TRIP12: variants seen among roughly 807,000 people sequenced by gnomAD.
TRIP12 encodes thyroid hormone receptor interactor 12, also known as E3 ubiquitin-protein ligase TRIP12.
Under a neutral mutation model 244.2 loss-of-function variants are expected in TRIP12, and 25 were observed. That is an observed-to-expected ratio of 0.10 (90% CI 0.07 to 0.14). TRIP12 has a LOEUF of 0.14. Ranked by LOEUF, TRIP12 falls within the 10% of genes least tolerant of loss-of-function variation. The probability of loss-of-function intolerance (pLI) is 1.00; values close to 1 mark genes in which losing one functional copy is unlikely to be tolerated. For synonymous variants in TRIP12, 905 were observed against 873.1 expected (o/e 1.04, Z -0.64); for missense variants, 1,677 against 2,486.4 (o/e 0.67, Z 6.92).
intron 1 of TRIP12, among the ~76,000 whole-genome samples, chr2:229,890,239 C>A (rs533886276): frequency 3.9e-5 from 6 of 152,200 alleles, no homozygotes; most frequent in Non-Finnish European, 5.9e-5. Context: ...ACCACCACAC[C>A]CAGCTAATTT....
intron 1 of TRIP12, among the ~76,000 whole-genome samples, chr2:229,915,214 C>A (rs540954175): frequency 6.6e-6 from 1 of 152,196 alleles, no homozygotes; most frequent in African/African-American, 2.4e-5. Flanking sequence ...GATTGCGCCA[C>A]TGCACTCCAA....
intron 16 of TRIP12, 129 bp from the exon 17 acceptor site, chr2:229,807,993 T>A: frequency 2.0e-6 from 2 of 1,006,056 alleles, no homozygotes; most frequent in Non-Finnish European, 2.8e-6. Flanking sequence ...GGAGACAGAG[T>A]CTCACTCTGT....
intron 1 of TRIP12, among the ~76,000 whole-genome samples, chr2:229,896,362 G>A (rs542715273): frequency 6.6e-6 from 1 of 152,236 alleles, no homozygotes; most frequent in Admixed American, 6.5e-5. Context: ...ACTCAGCCAG[G>A]CGTGGTGGCT....
At position 229,860,495 on chromosome 2, in the gene TRIP12, G is replaced by C. The variant is rs1476473317; in HGVS notation, c.135C>G (p.Ser45Arg). ...HLGQAKHKGY[S>R]PPESRKSNSK... ...AATTAGATTTTCTACTCTCAGGAGGGCTATATCCCTTATGTTTTGCCTGCC... is the reference window on the plus strand; with the variant it reads ...AATTAGATTTTCTACTCTCAGGAGGCCTATATCCCTTATGTTTTGCCTGCC... Residue 45 changes from serine (S) to arginine (R), a missense_variant, in exon 3 of 42, where the codon AGC becomes AGG. Ser to Arg is a moderately radical substitution (Grantham distance 110, BLOSUM62 -1). This residue lies in a region of TRIP12 where 387 missense variants were observed against 392.6 expected (regional missense o/e 0.99). Transcript: ENST00000675903. The C allele has an allele frequency of 1.2e-6, 2 of 1,610,966 alleles. No homozygotes were observed. Among genetic ancestry groups the C allele is most frequent in the South Asian group, 2.2e-5 (2 of 90,828 alleles).
chr2:229,851,717 C>T (rs1458042938), intron 4 of TRIP12, among the ~76,000 whole-genome samples: 1 of 152,156 alleles, frequency 6.6e-6, no homozygotes, highest in Non-Finnish European at 1.5e-5. Flanking sequence ...GAGGAAGGAA[C>T]AACTCCAGAC....
At chr2:229,885,938 C>T (rs1284732543) in intron 1 of TRIP12, among the ~76,000 whole-genome samples, 4 of 152,010 alleles carry the variant, frequency 2.6e-5, no homozygotes, top group Non-Finnish European at 1.5e-5. Context: ...TATTAGAGAA[C>T]TGCATATAAG....
intron 1 of TRIP12, among the ~76,000 whole-genome samples, chr2:229,914,217 T>A (rs12328109): frequency 0.016 from 2,459 of 151,888 alleles, 63 homozygotes; most frequent in African/African-American, 0.056. Context: ...AAAATAAAAA[T>A]AATAATAAAA....
intron 2 of TRIP12, among the ~76,000 whole-genome samples, chr2:229,864,045 A>AGAGAGAGT (rs1559957254): frequency 4.9e-4 from 33 of 67,246 alleles, no homozygotes; most frequent in South Asian, 1.2e-3. Flanking sequence ...AGAGAGAGAG[A>AGAGAGAGT]GAGTGTGTGT....
At chr2:229,774,540 C>T (rs1020781719) in intron 37 of TRIP12, among the ~76,000 whole-genome samples, 2 of 152,168 alleles carry the variant, frequency 1.3e-5, no homozygotes, top group African/African-American at 4.8e-5. Context: ...ACAGTAAGTG[C>T]ATAATAGGTT....
At chr2:229,922,640 C>G (rs776210339), upstream of TRIP12, 2 of 1,608,800 alleles carry the variant, frequency 1.2e-6, no homozygotes, top group Non-Finnish European at 8.5e-7. Context: ...ACCCTCTCTC[C>G]TAACTCCCTA....
chr2:229,783,026 G>A lies in TRIP12; in HGVS notation c.5094+2731C>T, dbSNP rs977137052. Among the ~76,000 whole-genome samples the A allele has an allele frequency of 1.9e-4, 29 of 152,188 alleles. 1 individual carries two copies. Among genetic ancestry groups the A allele is most frequent in the Admixed American group, 9.8e-4 (15 of 15,272 alleles). The stretch of plus-strand genomic sequence containing the variant: ...AAGAAAGAAAAGACAAAGACTAGAA[G>A]AGAAGTTTCATTTTATTCACGGATG... On this transcript the variant is annotated intron_variant, in intron 34 of 41. Transcript: ENST00000675903.
chr2:229,847,039 C>T (rs2057711579), intron 4 of TRIP12, among the ~76,000 whole-genome samples: 1 of 152,188 alleles, frequency 6.6e-6, no homozygotes, highest in African/African-American at 2.4e-5. Context: ...TTTTACACAG[C>T]TGGTGGGAAT....
chr2:229,791,328 CCA>C, intron 29 of TRIP12, 77 bp from the exon 30 acceptor site: 4 of 1,483,610 alleles, frequency 2.7e-6, no homozygotes, highest in East Asian at 2.3e-5. Context: ...GCCACAGACA[CCA>C]CAGTTACCAG....
intron 6 of TRIP12, among the ~76,000 whole-genome samples, chr2:229,831,297 C>A (rs1431060199): frequency 6.6e-6 from 1 of 152,172 alleles, no homozygotes; most frequent in Non-Finnish European, 1.5e-5. Context: ...TATTTCCGGA[C>A]TACAGTCTTG....
At chr2:229,831,502 G>T (rs1227277924) in intron 6 of TRIP12, among the ~76,000 whole-genome samples, 1 of 152,160 alleles carries the variant, frequency 6.6e-6, no homozygotes, top group Non-Finnish European at 1.5e-5. Flanking sequence ...AGTGAGACTT[G>T]TAGTCCCAGC....
At chr2:229,863,458 T>C (rs966067013) in intron 2 of TRIP12, among the ~76,000 whole-genome samples, 2 of 152,130 alleles carry the variant, frequency 1.3e-5, no homozygotes, top group African/African-American at 4.8e-5. Flanking sequence ...CAATACTGTA[T>C]GTCAAAAAAA....
At chr2:229,839,278 G>A (rs2055702131) in intron 5 of TRIP12, among the ~76,000 whole-genome samples, 1 of 152,194 alleles carries the variant, frequency 6.6e-6, no homozygotes, top group Non-Finnish European at 1.5e-5. Context: ...CGGCCTAGAT[G>A]TGTAGTAAGC....
chr2:229,884,125 C>A (rs967226525), intron 1 of TRIP12, among the ~76,000 whole-genome samples: 1 of 151,608 alleles, frequency 6.6e-6, no homozygotes, highest in African/African-American at 2.4e-5. Flanking sequence ...AACCCAAAAA[C>A]CTGTATGTTG....
intron 38 of TRIP12, among the ~76,000 whole-genome samples, chr2:229,772,608 C>T (rs183702672): frequency 1.2e-4 from 18 of 152,186 alleles, no homozygotes; most frequent in Middle Eastern, 3.4e-3. Context: ...GGACTACAGG[C>T]GTGCACCACC....
Sources: gnomAD v4.1 joint callset for allele counts (sites outside exome capture counted in the v4.1 genomes callset) on GRCh38, gnomAD v4.1.1 for gene constraint, gnomAD v4.1.1 regional missense constraint, MANE v1.5 for transcripts, NCBI Gene and HGNC (gene_info 2026-07-23, HGNC 2026-07-21) for gene names.